The following KCTD13 variants were observed in gnomAD, a reference collection of about 807,000 sequenced individuals.
KCTD13 encodes the protein potassium channel tetramerization domain containing 13, also known as BTB/POZ domain-containing adapter for CUL3-mediated RhoA degradation protein 1.
KCTD13 carries 15 observed loss-of-function variants against 32.3 expected under a neutral mutation model. The ratio of observed to expected loss-of-function variants is 0.46; its 90% CI spans 0.31 to 0.71. The LOEUF (loss-of-function observed/expected upper bound fraction) is 0.71, where lower values mean the gene tolerates loss of function less well. KCTD13 is among the 30% of genes least tolerant of loss of function. The probability of loss-of-function intolerance (pLI) is 0.05; values close to 1 mark genes in which losing one functional copy is unlikely to be tolerated. For synonymous variants in KCTD13, 189 were observed against 200.1 expected (o/e 0.94, Z 0.47); for missense variants, 337 against 452.6 (o/e 0.74, Z 2.32).
At chr16:29,911,358 A>G (rs566930813) in intron 4 of KCTD13, 185 bp from the exon 5 acceptor site, 373 of 605,388 alleles carry the variant, frequency 6.2e-4, no homozygotes, top group Non-Finnish European at 9.5e-4. Flanking sequence ...ACATGCGCTG[A>G]GCAAATCCCA....
At chr16:29,924,717 T>TC (rs1475453034) in intron 1 of KCTD13, among the ~76,000 whole-genome samples, 1 of 149,672 alleles carries the variant, frequency 6.7e-6, no homozygotes, top group South Asian at 2.1e-4. Context: ...AATGAATTCT[T>TC]CCCTTTTTTT....
intron 5 of KCTD13, among the ~76,000 whole-genome samples, chr16:29,909,503 C>T (rs755099878): frequency 2.9e-4 from 44 of 152,124 alleles, no homozygotes; most frequent in Non-Finnish European, 6.2e-4. Flanking sequence ...GTATTTTGCT[C>T]AGCACTTCAT....
chr16:29,907,234 G>T lies in KCTD13; in HGVS notation c.754-126C>A, dbSNP rs536963691. The T allele has an allele frequency of 3.4e-4, 218 of 637,296 alleles. 1 individual carries two copies. In the African/African-American group the frequency reaches 3.7e-3, roughly 11 times the overall value. The allele number at this position is 637,296 out of a possible 1,614,324, so 39.5% of individuals were successfully genotyped here. ...CAGTCAGGTCCTTGGGCCTGGCCTG[G>T]CCTCTCTGCCACTCCTTTACTCAGC... is the stretch of plus-strand genomic sequence containing the variant. On this transcript the variant is annotated intron_variant, in intron 5 of 5. Coordinates refer to ENST00000568000, the MANE Select transcript of KCTD13 (RefSeq NM_178863.5).
intron 2 of KCTD13, among the ~76,000 whole-genome samples, chr16:29,918,787 A>T (rs554686465): frequency 6.6e-6 from 1 of 152,182 alleles, no homozygotes; most frequent in Admixed American, 6.5e-5. Flanking sequence ...CCTCCTGAGT[A>T]GCTGGGATTA....
At chr16:29,911,782 G>A (rs749649613) in intron 4 of KCTD13, 33 bp downstream of exon 4, 2 of 1,609,854 alleles carry the variant, frequency 1.2e-6, no homozygotes, top group African/African-American at 2.7e-5. Flanking sequence ...GCATCCCAGG[G>A]TCCCGCCCAG....
rs2068625170 is a variant in KCTD13, at chr16:29,907,012, C to T, written c.850G>A (p.Gly284Arg). The T allele has an allele frequency of 6.2e-7, 1 of 1,614,070 alleles. No homozygotes were observed. The highest frequency in any genetic ancestry group is 1.1e-5 in the South Asian group (1 of 91,092). ...GPDPALLEAT[G>R]GAAGAGGAGR... ...GCCCCACCAGCTCCAGCTGCTCCCC[C>T]TGTGGCCTCCAGGAGGGCTGGGTCT... Residue 284 changes from glycine to arginine, a missense_variant, in exon 6 of 6, where the codon GGG becomes AGG. Transcript: ENST00000568000.
intron 5 of KCTD13, among the ~76,000 whole-genome samples, chr16:29,909,798 G>A (rs905769726): frequency 7.3e-5 from 11 of 151,490 alleles, no homozygotes; most frequent in Non-Finnish European, 1.0e-4. Flanking sequence ...GGGCGGGCCC[G>A]GTGGCTCACA....
chr16:29,917,953 A>C (rs2068838790), intron 2 of KCTD13, among the ~76,000 whole-genome samples: 1 of 152,166 alleles, frequency 6.6e-6, no homozygotes, highest in Admixed American at 6.6e-5. Context: ...GCCTCAAAAA[A>C]TAAAAATAAA....
chr16:29,909,783 G>T (rs2068673657), intron 5 of KCTD13, among the ~76,000 whole-genome samples: 1 of 151,504 alleles, frequency 6.6e-6, no homozygotes, highest in Non-Finnish European at 1.5e-5. Context: ...CAAATTCCTG[G>T]GCTAGGGCGG....
At chr16:29,911,745 C>T (rs1410564977) in intron 4 of KCTD13, 70 bp downstream of exon 4, 10 of 1,562,154 alleles carry the variant, frequency 6.4e-6, no homozygotes, top group African/African-American at 4.1e-5. Context: ...CCGTGGCCCT[C>T]GCCTTGGGCA....
intron 2 of KCTD13, among the ~76,000 whole-genome samples, chr16:29,916,271 T>G (rs1369789278): frequency 6.6e-6 from 1 of 152,196 alleles, no homozygotes; most frequent in Non-Finnish European, 1.5e-5. Context: ...TTAATTTTTT[T>G]AGAGACAAGG....
chr16:29,915,513 G>A (rs1444732661), intron 2 of KCTD13, among the ~76,000 whole-genome samples: 2 of 151,756 alleles, frequency 1.3e-5, no homozygotes, highest in African/African-American at 2.4e-5. Flanking sequence ...TTAGCTGGGC[G>A]TGGTGGTGGG....
rs770007749 is a variant in KCTD13 at position 29,911,951 on chromosome 16, G to A, written c.504+9C>T. ...TGAGCCTCCACCCTGCAGGGCTTGG[G>A]GGCCTCACCTTGGAGGTGCTGGCCA... On this transcript the variant is annotated intron_variant, in intron 3 of 5. Coordinates refer to ENST00000568000, the MANE Select transcript of KCTD13 (RefSeq NM_178863.5). The A allele has an allele frequency of 3.1e-6, 5 of 1,610,686 alleles. No individual in the cohort carries two copies. In the South Asian group the frequency reaches 3.3e-5, roughly 11 times the overall value.
At chr16:29,917,203 T>G (rs1433979696) in intron 2 of KCTD13, among the ~76,000 whole-genome samples, 2 of 152,104 alleles carry the variant, frequency 1.3e-5, no homozygotes, top group Non-Finnish European at 2.9e-5. Context: ...CTGTCTTGGG[T>G]GCTGGCTACC....
chr16:29,922,842 T>C (rs1407317093), intron 2 of KCTD13: 23 of 405,158 alleles, frequency 5.7e-5, no homozygotes, highest in Non-Finnish European at 1.0e-4. Flanking sequence ...TTTTCCCTAG[T>C]GACATGAGGG....
chr16:29,912,194 T>G, intron 2 of KCTD13, 145 bp from the exon 3 acceptor site: 1 of 658,338 alleles, frequency 1.5e-6, no homozygotes, highest in African/African-American at 1.9e-5. Context: ...CGCCAGCCTC[T>G]CTGCCACTCT....
At chr16:29,914,912 T>C (rs1262178942) in intron 2 of KCTD13, 1 of 148,536 alleles carries the variant, frequency 6.7e-6, no homozygotes, top group African/African-American at 2.5e-5. Context: ...GAGGCCAAGG[T>C]GGGAGGATTA....
Position 29,906,397 on chromosome 16 carries a change from G to A in KCTD13, c.*475C>T. On this transcript the variant is annotated 3_prime_UTR_variant, in exon 6 of 6. Coordinates refer to ENST00000568000, the MANE Select transcript of KCTD13 (RefSeq NM_178863.5). ...AGAAAATTAAAATAATAAATAATAT[G>A]AAACAGACTGATAACGCTGAGCTGG... 6.7e-6 allele frequency: 2 copies of A among 297,530 alleles called. No homozygotes were observed. Among genetic ancestry groups the A allele is most frequent in the Non-Finnish European group, 6.7e-6 (1 of 149,536 alleles). The allele number at this position is 297,530 out of a possible 1,614,324, so 18.4% of individuals were successfully genotyped here.
At chr16:29,912,405 A>G in intron 2 of KCTD13, 1 of 376,118 alleles carries the variant, frequency 2.7e-6, no homozygotes. Flanking sequence ...CCCTGGCTAA[A>G]ACAGCCTCCT....
Sources: gnomAD v4.1 joint callset for allele counts (sites outside exome capture counted in the v4.1 genomes callset) on GRCh38, gnomAD v4.1.1 for gene constraint, MANE v1.5 for transcripts, NCBI Gene and HGNC (gene_info 2026-07-23, HGNC 2026-07-21) for gene names.